Variants in STBD1 observed in about 807,000 individuals in gnomAD.
The protein encoded by STBD1 is starch binding domain 1.
A neutral mutation model predicts 10.5 loss-of-function variants in STBD1; 13 were observed. That is an observed-to-expected ratio of 1.24 (90% CI 0.81 to 1.97). The LOEUF (loss-of-function observed/expected upper bound fraction) is 1.97, where lower values mean the gene tolerates loss of function less well. Ranked by LOEUF, STBD1 falls within the 30% of genes most tolerant of loss-of-function variation. STBD1 has a pLI of 0.00. For missense variants in STBD1, 427 were observed against 435.6 expected (o/e 0.98, Z 0.17); for synonymous variants, 146 against 160.2 (o/e 0.91, Z 0.67).
chr4:76,307,916 T>C (rs1332542232), intron 1 of STBD1, among the ~76,000 whole-genome samples: 1 of 152,142 alleles, frequency 6.6e-6, no homozygotes, highest in Non-Finnish European at 1.5e-5. Flanking sequence ...CTGTGATTGG[T>C]CTGGGATGCC....
rs181717881 is a variant in STBD1 at position 76,310,525 on chromosome 4, G to A, written c.*525G>A. The stretch of plus-strand genomic sequence containing the variant: ...TATGCTTAAAAAGTTAACATGATAC[G>A]AAACTGTGATTAGAAAATATCTGGT... On this transcript the variant is annotated 3_prime_UTR_variant, in exon 2 of 2. Transcript: ENST00000237642. The A allele has an allele frequency of 2.1e-3, 320 of 155,388 alleles. 1 individual carries two copies. The highest frequency in any genetic ancestry group is 7.0e-3 in the African/African-American group (289 of 41,558). 9.6% of individuals were successfully genotyped at this position (155,388 alleles called of 1,614,324 possible). A position where few individuals can be genotyped will look rare whatever the true frequency, so the allele number is the denominator to read the frequency against.
chr4:76,309,134 G>T lies in STBD1; in HGVS notation c.221-10G>T, dbSNP rs1431426051. The T allele has an allele frequency of 2.6e-6, 4 of 1,551,966 alleles. No individual in the cohort carries two copies. The South Asian group carries it at 3.8e-5, about 15-fold the overall frequency. On this transcript the variant is annotated splice_polypyrimidine_tract_variant and intron_variant, in intron 1 of 1. Transcript: ENST00000237642. ...CCTGACTCTATTACATTTTTCCTTT[G>T]ATTTCTTAGAGCATCTTCAAGAAAG... is the stretch of plus-strand genomic sequence containing the variant.
chr4:76,310,826 G>C lies in STBD1; in HGVS notation c.*826G>C, dbSNP rs1718920942. On this transcript the variant is annotated 3_prime_UTR_variant, in exon 2 of 2. Coordinates refer to ENST00000237642, the MANE Select transcript of STBD1 (RefSeq NM_003943.5). ...ATGACACCTCTTAGAGGACTGTGAAGTACAGGCACAGCCCGACTGCAGGGA... is the reference window on the plus strand; with the variant it reads ...ATGACACCTCTTAGAGGACTGTGAACTACAGGCACAGCCCGACTGCAGGGA... The C allele has an allele frequency of 1.3e-5, 2 of 152,522 alleles. No individual in the cohort carries two copies. The highest frequency in any genetic ancestry group is 2.4e-5 in the African/African-American group (1 of 41,442). The allele number at this position is 152,522 out of a possible 1,614,324, so 9.4% of individuals were successfully genotyped here. A position where few individuals can be genotyped will look rare whatever the true frequency, so the allele number is the denominator to read the frequency against.
rs751671552 is a variant in STBD1, at chr4:76,309,929, G to C, written c.1006G>C (p.Glu336Gln). 2 of 1,614,088 alleles carry C rather than the reference G, an allele frequency of 1.2e-6. No homozygotes were observed. The highest frequency in any genetic ancestry group is 2.2e-5 in the South Asian group (2 of 91,076). Reference sequence around the variant, plus strand: ...GAATGGGGGAGTTACCCGCTGGGAAGAATGCAGCAATAGATTCCTAGAAAC... The same window carrying C: ...GAATGGGGGAGTTACCCGCTGGGAACAATGCAGCAATAGATTCCTAGAAAC... ...VENGGVTRWE[E>Q]CSNRFLETGH... Residue 336 changes from glutamate to glutamine, a missense_variant, in exon 2 of 2, where the codon GAA becomes CAA. Transcript: ENST00000237642.
chr4:76,308,631 T>A (rs1184748798), intron 1 of STBD1, among the ~76,000 whole-genome samples: 1 of 152,218 alleles, frequency 6.6e-6, no homozygotes, highest in Non-Finnish European at 1.5e-5. Flanking sequence ...GTTCTCCGTA[T>A]CTCCCCAAGG....
At chr4:76,309,079 C>G in intron 1 of STBD1, 65 bp from the exon 2 acceptor site, 1 of 1,511,754 alleles carries the variant, frequency 6.6e-7, no homozygotes, top group East Asian at 2.3e-5. Flanking sequence ...AATCTATTTT[C>G]TCAGCCTGAC....
In STBD1 at chr4:76,306,868, C is replaced by G; in HGVS notation, c.99C>G (p.Asp33Glu). ...GCGGCCCTGGCGACACCGGGAAGGA[C>G]GGGGATGCGGAGCAGGAGAAAGACG... ...LRGGPGDTGK[D>E]GDAEQEKDAP... The change falls in exon 1 of 2, where the codon GAC (aspartate) becomes GAG (glutamate). Residue 33 changes from aspartate (D) to glutamate (E), a missense_variant. Transcript: ENST00000237642. 1.2e-6 allele frequency: 2 copies of G among 1,611,296 alleles called. No individual in the cohort carries two copies. Among genetic ancestry groups the G allele is most frequent in the Non-Finnish European group, 1.7e-6 (2 of 1,178,960 alleles).
At position 76,306,787 on chromosome 4, in the gene STBD1, C is replaced by A; in HGVS notation, c.18C>A (p.Ser6=). Residue 6 remains serine, a synonymous_variant, in exon 1 of 2, where the codon TCC becomes TCA. Transcript: ENST00000237642. MGAVW[S]ALLVGGGLAG... is the part of the protein sequence containing the mutation. ...TCTCAGCCATGGGCGCCGTCTGGTCCGCCCTGCTGGTTGGAGGGGGTCTGG... is the reference window on the plus strand; with the variant it reads ...TCTCAGCCATGGGCGCCGTCTGGTCAGCCCTGCTGGTTGGAGGGGGTCTGG... 1 of 1,612,156 alleles carries A rather than the reference C, an allele frequency of 6.2e-7. No individual in the cohort carries two copies. Among genetic ancestry groups the A allele is most frequent in the Non-Finnish European group, 8.5e-7 (1 of 1,179,840 alleles).
At chr4:76,307,614 C>G (rs1290038956) in intron 1 of STBD1, among the ~76,000 whole-genome samples, 2 of 152,212 alleles carry the variant, frequency 1.3e-5, no homozygotes, top group South Asian at 2.1e-4. Context: ...CAGTCCCCTC[C>G]ACGCTGCCCC....
chr4:76,307,011 C>G (rs1409144113), intron 1 of STBD1, 22 bp downstream of exon 1: 2 of 1,558,714 alleles, frequency 1.3e-6, no homozygotes, highest in South Asian at 2.3e-5. Flanking sequence ...CCCGTGACTC[C>G]AGGGCACATC....
Position 76,309,213 on chromosome 4 carries a change from C to A in STBD1, c.290C>A (p.Ser97Ter). ...TKDLGKLQAA[S>*]WRLQNPSREV... is the part of the protein sequence containing the mutation. ...GACCTTGGTAAACTGCAAGCAGCAT[C>A]ATGGAGATTGCAGAATCCTTCCAGG... The change falls in exon 2 of 2, where the codon TCA becomes TAA. Residue 97 changes from serine to a stop codon, truncating the protein, a stop_gained. Coordinates refer to ENST00000237642, the MANE Select transcript of STBD1 (RefSeq NM_003943.5). LOFTEE classifies it low-confidence loss of function (END_TRUNC). The A allele has an allele frequency of 6.2e-7, 1 of 1,613,690 alleles. No individual in the cohort carries two copies. Among genetic ancestry groups the A allele is most frequent in the Non-Finnish European group, 8.5e-7 (1 of 1,179,944 alleles).
chr4:76,308,813 T>C (rs1409009845), intron 1 of STBD1, among the ~76,000 whole-genome samples: 1 of 152,238 alleles, frequency 6.6e-6, no homozygotes, highest in Non-Finnish European at 1.5e-5. Flanking sequence ...TTAACTTGGC[T>C]GCATGCCAGT....
chr4:76,308,193 C>T (rs1442606992), intron 1 of STBD1, among the ~76,000 whole-genome samples: 3 of 145,908 alleles, frequency 2.1e-5, no homozygotes, highest in Non-Finnish European at 3.0e-5. Context: ...CGCTTGAACC[C>T]GGGAGACAGA....
rs751730309 is a variant in STBD1, at chr4:76,309,818, C to T, written c.895C>T (p.Leu299Phe). Residue 299 changes from leucine (L) to phenylalanine (F), a missense_variant, in exon 2 of 2, where the codon CTC (leucine) becomes TTC (phenylalanine). Physicochemically the swap from Leu to Phe is conservative, Grantham distance 22 (BLOSUM62 0). Coordinates refer to ENST00000237642, the MANE Select transcript of STBD1 (RefSeq NM_003943.5). ...TGGGAGATGGAACACTTACATCCCA[C>T]TCCACTATAACAAGGATGGGTTCTG... ...CLGRWNTYIP[L>F]HYNKDGFWSH... is the part of the protein sequence containing the mutation. 6.2e-7 allele frequency: 1 copy of T among 1,614,074 alleles called. No homozygotes were observed. The highest frequency in any genetic ancestry group is 2.2e-5 in the East Asian group (1 of 44,888).
chr4:76,306,840 G>C lies in STBD1; in HGVS notation c.71G>C (p.Arg24Pro), dbSNP rs755594376. 3.7e-6 allele frequency: 6 copies of C among 1,611,938 alleles called. No individual in the cohort carries two copies. In the Admixed American group the frequency reaches 6.7e-5, roughly 18 times the overall value. The stretch of plus-strand genomic sequence containing the variant: ...GGAGCACTTTTCGTTTGGCTGCTGC[G>C]GGGCGGCCCTGGCGACACCGGGAAG... ...LAGALFVWLL[R>P]GGPGDTGKDG... Residue 24 changes from arginine to proline, a missense_variant, in exon 1 of 2, where the codon CGG (arginine) becomes CCG (proline). By Grantham distance (103) the Arg-to-Pro change is moderately radical (BLOSUM62 -2). Coordinates refer to ENST00000237642, the MANE Select transcript of STBD1 (RefSeq NM_003943.5).
rs764963667 is a variant in STBD1, at chr4:76,309,504, G to A, written c.581G>A (p.Ser194Asn). The change falls in exon 2 of 2, where the codon AGT (serine) becomes AAT (asparagine). Residue 194 changes from serine (S) to asparagine (N), a missense_variant. By Grantham distance (46) the Ser-to-Asn change is conservative. Transcript: ENST00000237642. ...GAAATGAGCCTCTCTGATTTGAACA[G>A]TCAGGACCGGGTTGACCACGAGGAG... Reference protein sequence around the residue: ...KEEMSLSDLNSQDRVDHEEWE... With the variant: ...KEEMSLSDLNNQDRVDHEEWE... 13 of 1,614,250 alleles carry A rather than the reference G, an allele frequency of 8.1e-6. No individual in the cohort carries two copies. Among genetic ancestry groups the A allele is most frequent in the Non-Finnish European group, 9.3e-6 (11 of 1,180,054 alleles).
In STBD1 at chr4:76,306,894, C is replaced by A. The variant is rs773503088; in HGVS notation, c.125C>A (p.Ala42Asp). Reference protein sequence around the residue: ...KDGDAEQEKDAPLGGAAIPGG... With the variant: ...KDGDAEQEKDDPLGGAAIPGG... ...GGGGATGCGGAGCAGGAGAAAGACG[C>A]CCCTCTTGGGGGAGCTGCGATTCCG... The change falls in exon 1 of 2, where the codon GCC becomes GAC. Residue 42 changes from alanine to aspartate, a missense_variant. Transcript: ENST00000237642. 1 of 1,612,010 alleles carries A rather than the reference C, an allele frequency of 6.2e-7. No homozygotes were observed. Among genetic ancestry groups the A allele is most frequent in the Non-Finnish European group, 8.5e-7 (1 of 1,179,324 alleles).
chr4:76,306,944 G>C lies in STBD1; in HGVS notation c.175G>C (p.Gly59Arg). ...IPGGHQSGSS[G>R]LSPGPSGQEL... ...GGGAGGCCATCAGAGTGGCAGCAGC[G>C]GACTGAGCCCTGGACCTTCCGGGCA... Residue 59 changes from glycine to arginine, a missense_variant, in exon 1 of 2, where the codon GGA becomes CGA. Coordinates refer to ENST00000237642, the MANE Select transcript of STBD1 (RefSeq NM_003943.5). 1 of 1,610,150 alleles carries C rather than the reference G, an allele frequency of 6.2e-7. No homozygotes were observed. Among genetic ancestry groups the C allele is most frequent in the East Asian group, 2.2e-5 (1 of 44,772 alleles).
At chr4:76,309,084 C>T in intron 1 of STBD1, 60 bp from the exon 2 acceptor site, 1 of 1,512,306 alleles carries the variant, frequency 6.6e-7, no homozygotes, top group Non-Finnish European at 8.8e-7. Flanking sequence ...ATTTTCTCAG[C>T]CTGACTTTTT....
Sources: gnomAD v4.1 joint callset for allele counts (sites outside exome capture counted in the v4.1 genomes callset) on GRCh38, gnomAD v4.1.1 for gene constraint, MANE v1.5 for transcripts, NCBI Gene and HGNC (gene_info 2026-07-23, HGNC 2026-07-21) for gene names.